PHF21A: variants seen among roughly 807,000 people sequenced by gnomAD.
The protein encoded by PHF21A is BHC80a.
A neutral mutation model predicts 82.5 loss-of-function variants in PHF21A; 11 were observed. The observed-to-expected ratio is 0.13, with a 90% CI of 0.08 to 0.22. PHF21A has a LOEUF of 0.22. Ranked by LOEUF, PHF21A falls within the 10% of genes least tolerant of loss-of-function variation. PHF21A has a pLI of 1.00. For missense variants in PHF21A, 579 were observed against 837.8 expected (o/e 0.69, Z 3.81); for synonymous variants, 297 against 302.8 (o/e 0.98, Z 0.20).
chr11:46,085,364 T>G (rs764633290), intron 3 of PHF21A, among the ~76,000 whole-genome samples: 3 of 152,138 alleles, frequency 2.0e-5, no homozygotes, highest in Non-Finnish European at 4.4e-5. Context: ...ATGTCAAAAG[T>G]CTAAATCTGT....
At chr11:46,080,480 T>G (rs1374895823) in intron 4 of PHF21A, among the ~76,000 whole-genome samples, 1 of 151,918 alleles carries the variant, frequency 6.6e-6, no homozygotes, top group African/African-American at 2.4e-5. Flanking sequence ...GAAAAAAAAT[T>G]TAAAAATCAA....
At chr11:45,957,662 C>A (rs897240031) in intron 10 of PHF21A, among the ~76,000 whole-genome samples, 5 of 145,862 alleles carry the variant, frequency 3.4e-5, no homozygotes, top group Admixed American at 1.4e-4. Context: ...CTTATAGCTG[C>A]TAACAGTCTA....
At chr11:45,953,077 A>C (rs544440635) in intron 11 of PHF21A, among the ~76,000 whole-genome samples, 1 of 152,306 alleles carries the variant, frequency 6.6e-6, no homozygotes, top group Admixed American at 6.5e-5. Flanking sequence ...TTCTAATGTA[A>C]TACAATGGTT....
At position 46,092,191 on chromosome 11, in the gene PHF21A, G is replaced by A. The variant is rs1475060592; in HGVS notation, c.-204C>T. 2 of 152,002 alleles carry A rather than the reference G, an allele frequency of 1.3e-5. No homozygotes were observed. The highest frequency in any genetic ancestry group is 3.9e-4 in the East Asian group (2 of 5,194). The allele number at this position is 152,002 out of a possible 1,614,324, so 9.4% of individuals were successfully genotyped here. ...CTAGTCAAAGTACTTACCAATTTTGGGGAAACTGGCTCTCCTTCAGCTCTC... is the reference window on the plus strand; with the variant it reads ...CTAGTCAAAGTACTTACCAATTTTGAGGAAACTGGCTCTCCTTCAGCTCTC... On this transcript the variant is annotated 5_prime_UTR_variant, in exon 2 of 19. Coordinates refer to ENST00000676320, the MANE Select transcript of PHF21A (RefSeq NM_001352027.3).
chr11:45,962,581 T>C (rs974167891), intron 10 of PHF21A, among the ~76,000 whole-genome samples: 3 of 151,930 alleles, frequency 2.0e-5, no homozygotes, highest in Non-Finnish European at 4.4e-5. Context: ...CTGAATTCCT[T>C]TATTAGACCA....
intron 6 of PHF21A, among the ~76,000 whole-genome samples, chr11:46,033,865 G>C (rs1244191150): frequency 2.0e-5 from 3 of 152,200 alleles, no homozygotes; most frequent in Non-Finnish European, 4.4e-5. Context: ...GGACAGTGCT[G>C]CTCTAGAGTA....
In PHF21A at chr11:45,969,842, G is replaced by T; in HGVS notation, c.675C>A (p.Leu225=). Residue 225 remains leucine (L), a synonymous_variant, in exon 9 of 19, where the codon CTC becomes CTA. Coordinates refer to ENST00000676320, the MANE Select transcript of PHF21A (RefSeq NM_001352027.3). The part of the protein sequence containing the change: ...KVPQFIPPPR[L]TPRPNFLPQV... Reference sequence around the variant, plus strand: ...GTGGAAGAAAGTTTGGACGTGGAGTGAGTCTAGGAGGGGGGATAAACTGTG... The same window carrying T: ...GTGGAAGAAAGTTTGGACGTGGAGTTAGTCTAGGAGGGGGGATAAACTGTG... 2 of 1,613,684 alleles carry T rather than the reference G, an allele frequency of 1.2e-6. No homozygotes were observed. The highest frequency in any genetic ancestry group is 1.7e-6 in the Non-Finnish European group (2 of 1,179,592).
intron 6 of PHF21A, among the ~76,000 whole-genome samples, chr11:45,989,886 C>T (rs933644562): frequency 6.6e-6 from 1 of 151,294 alleles, no homozygotes; most frequent in Admixed American, 6.6e-5. Flanking sequence ...GCAGTATCAG[C>T]TACTCAGGAG....
At chr11:46,041,617 T>G (rs959924104) in intron 6 of PHF21A, among the ~76,000 whole-genome samples, 1 of 152,208 alleles carries the variant, frequency 6.6e-6, no homozygotes, top group Non-Finnish European at 1.5e-5. Flanking sequence ...TCCTACCCAA[T>G]TTGTTGCTTT....
rs556887422 is a variant in PHF21A, at chr11:46,029,665, G to A, written c.153+47089C>T. On this transcript the variant is annotated intron_variant, in intron 6 of 18. Transcript: ENST00000676320. ...ATCGTGCCACTGCACTAGAGCCTCCGTCTCAAAAAAAAAAAAAAAAACTGT... is the reference window on the plus strand; with the variant it reads ...ATCGTGCCACTGCACTAGAGCCTCCATCTCAAAAAAAAAAAAAAAAACTGT... Among the ~76,000 whole-genome samples, 17 of 137,184 alleles carry A rather than the reference G, an allele frequency of 1.2e-4. No homozygotes were observed. In the East Asian group the frequency reaches 2.3e-3, roughly 18 times the overall value. The allele number at this position is 137,184 out of a possible 152,430, so 90.0% of individuals were successfully genotyped here.
At chr11:45,960,267 G>A (rs1386157943) in intron 10 of PHF21A, among the ~76,000 whole-genome samples, 2 of 152,128 alleles carry the variant, frequency 1.3e-5, no homozygotes, top group African/African-American at 2.4e-5. Context: ...GCCAAAAAGT[G>A]GAACCAACCA....
intron 6 of PHF21A, among the ~76,000 whole-genome samples, chr11:46,015,895 C>CATCTATCTATCT (rs35580116): frequency 0.01 from 1,510 of 149,588 alleles, 12 homozygotes; most frequent in South Asian, 0.015. Flanking sequence ...GTTTTACAGT[C>CATCTATCTATCT]ATCTATCTAT....
chr11:46,073,636 T>G (rs1463394826), intron 6 of PHF21A, among the ~76,000 whole-genome samples: 1 of 152,300 alleles, frequency 6.6e-6, no homozygotes, highest in East Asian at 1.9e-4. Flanking sequence ...CACATACATA[T>G]ATACACAAAA....
chr11:46,108,588 A>ATATATATATAT (rs67231476), intron 1 of PHF21A, among the ~76,000 whole-genome samples: 2 of 118,112 alleles, frequency 1.7e-5, no homozygotes, highest in Admixed American at 8.3e-5. Flanking sequence ...TATATATATA[A>ATATATATATAT]AATACATATG....
chr11:46,041,653 C>T (rs570902801), intron 6 of PHF21A, among the ~76,000 whole-genome samples: 1 of 152,008 alleles, frequency 6.6e-6, no homozygotes, highest in Non-Finnish European at 1.5e-5. Context: ...ACATGAAGAC[C>T]CAGATTTAAA....
intron 6 of PHF21A, among the ~76,000 whole-genome samples, chr11:46,021,705 C>T (rs561025976): frequency 6.6e-6 from 1 of 151,904 alleles, no homozygotes; most frequent in Non-Finnish European, 1.5e-5. Flanking sequence ...CTATGCCCAG[C>T]TAATTTTTAT....
chr11:46,062,862 C>A (rs891514931), intron 6 of PHF21A, among the ~76,000 whole-genome samples: 3 of 152,168 alleles, frequency 2.0e-5, no homozygotes, highest in African/African-American at 4.8e-5. Context: ...AAGACTTGGA[C>A]ATGAATGTTC....
chr11:46,101,859 CTTT>C (rs749509550), intron 1 of PHF21A, among the ~76,000 whole-genome samples: 3 of 141,020 alleles, frequency 2.1e-5, no homozygotes, highest in African/African-American at 2.6e-5. Context: ...TGGTCTCCCT[CTTT>C]TTTTTTTTTT....
rs11038735 is a variant in PHF21A, at chr11:45,990,298, C to A, written c.154-10332G>T. 1.1e-4 allele frequency among the ~76,000 whole-genome samples: 14 copies of A among 131,982 alleles called. 1 individual carries two copies. The highest frequency in any genetic ancestry group is 3.4e-4 in the African/African-American group (12 of 35,476). 86.6% of individuals were successfully genotyped at this position (131,982 alleles called of 152,430 possible). A position where few individuals can be genotyped will look rare whatever the true frequency, so the allele number is the denominator to read the frequency against. On this transcript the variant is annotated intron_variant, in intron 6 of 18. Transcript: ENST00000676320. ...TTTTCAAACAGGATCTCACTCTGTC[C>A]CCCAGGCTGGAGTGCAGTGGCATGA...
Sources: gnomAD v4.1 joint callset for allele counts (sites outside exome capture counted in the v4.1 genomes callset) on GRCh38, gnomAD v4.1.1 for gene constraint, MANE v1.5 for transcripts, NCBI Gene and HGNC (gene_info 2026-07-23, HGNC 2026-07-21) for gene names.